HIPK3: variants seen among roughly 807,000 people sequenced by gnomAD.
HIPK3 encodes the protein homeodomain-interacting protein kinase 3.
Under a neutral mutation model 124.2 loss-of-function variants are expected in HIPK3, and 47 were observed. That is an observed-to-expected ratio of 0.38 (90% CI 0.30 to 0.48). The LOEUF (loss-of-function observed/expected upper bound fraction) is 0.48, where lower values mean the gene tolerates loss of function less well. HIPK3 is among the 20% of genes least tolerant of loss of function. The probability of loss-of-function intolerance (pLI) is 0.98; values close to 1 mark genes in which losing one functional copy is unlikely to be tolerated. For synonymous variants in HIPK3, 482 were observed against 515.2 expected, an observed-to-expected ratio of 0.94 and a Z score of 0.87; for missense variants, 1,286 against 1,454.3, an observed-to-expected ratio of 0.88 and a Z score of 1.88.
chr11:33,306,859 G>A (rs1035338337), intron 2 of HIPK3, among the ~76,000 whole-genome samples: 1 of 151,892 alleles, frequency 6.6e-6, no homozygotes, highest in Admixed American at 6.6e-5. Context: ...CCTGCTTTTG[G>A]TATTATGTGC....
intron 2 of HIPK3, among the ~76,000 whole-genome samples, chr11:33,313,329 C>T (rs1852402888): frequency 6.6e-6 from 1 of 152,078 alleles, no homozygotes; most frequent in Admixed American, 6.5e-5. Context: ...ATTGTTGTGA[C>T]ATTATTGGGA....
At chr11:33,336,304 G>A (rs1209475831) in intron 3 of HIPK3, among the ~76,000 whole-genome samples, 4 of 152,122 alleles carry the variant, frequency 2.6e-5, no homozygotes, top group Non-Finnish European at 5.9e-5. Flanking sequence ...TATCACCCTT[G>A]GGAGAGCCCA....
At chr11:33,344,030 T>C (rs1386308872) in intron 8 of HIPK3, among the ~76,000 whole-genome samples, 1 of 152,184 alleles carries the variant, frequency 6.6e-6, no homozygotes, top group Non-Finnish European at 1.5e-5. Flanking sequence ...AAGTGTTTAT[T>C]ATAGGAATTT....
At chr11:33,348,447 T>C in intron 12 of HIPK3, 75 bp from the exon 13 acceptor site, 1 of 1,287,974 alleles carries the variant, frequency 7.8e-7, no homozygotes, top group Non-Finnish European at 1.1e-6. Context: ...CATTTTCTGG[T>C]TTAACAAGAT....
At chr11:33,263,602 C>T (rs1049885947) in intron 1 of HIPK3, among the ~76,000 whole-genome samples, 2 of 152,152 alleles carry the variant, frequency 1.3e-5, no homozygotes, top group Admixed American at 6.5e-5. Flanking sequence ...AGTAAGCCAC[C>T]GCGCCTGGCT....
chr11:33,257,228 G>A (rs1850687154), upstream of HIPK3: 1 of 984,154 alleles, frequency 1.0e-6, no homozygotes, highest in African/African-American at 1.7e-5. Context: ...CTGGCGGGCG[G>A]ACCCCGGGGA....
Position 33,337,464 on chromosome 11 carries a change from G to A in HIPK3, c.1341+270G>A, listed in dbSNP as rs533736460. On this transcript the variant is annotated intron_variant, in intron 4 of 16. Coordinates refer to ENST00000303296, the MANE Select transcript of HIPK3 (RefSeq NM_005734.5). ...TCCGCCTCCTGGGTTCAACCAATTC[G>A]CCTGCCTCAGCCTCCCAAGTAGCTG... Among the ~76,000 whole-genome samples, 25 of 143,620 alleles carry A rather than the reference G, an allele frequency of 1.7e-4. No individual in the cohort carries two copies. The South Asian group carries it at 5.5e-3, about 31-fold the overall frequency. 94.2% of individuals were successfully genotyped at this position (143,620 alleles called of 152,430 possible). A position where few individuals can be genotyped will look rare whatever the true frequency, so the allele number is the denominator to read the frequency against.
intron 3 of HIPK3, among the ~76,000 whole-genome samples, chr11:33,330,960 T>G (rs1027112968): frequency 1.3e-5 from 2 of 152,100 alleles, no homozygotes; most frequent in Admixed American, 1.3e-4. Context: ...CTCGGCTCAC[T>G]GCAACCTCCG....
chr11:33,266,390 C>G (rs929516181), intron 1 of HIPK3, among the ~76,000 whole-genome samples: 7 of 152,008 alleles, frequency 4.6e-5, no homozygotes, highest in African/African-American at 1.7e-4. Context: ...CACTGCTGTT[C>G]TTGCAGTGGG....
intron 1 of HIPK3, among the ~76,000 whole-genome samples, chr11:33,264,608 T>C (rs1590335553): frequency 2.0e-5 from 3 of 152,356 alleles, no homozygotes. Flanking sequence ...TTAAGGATGC[T>C]AGAAAATAAA....
intron 1 of HIPK3, among the ~76,000 whole-genome samples, chr11:33,276,811 T>A (rs1851285353): frequency 6.6e-6 from 1 of 152,110 alleles, no homozygotes; most frequent in African/African-American, 2.4e-5. Context: ...ATTCAAGTGA[T>A]TCCCATGCCT....
intron 1 of HIPK3, among the ~76,000 whole-genome samples, chr11:33,264,229 A>G (rs1850898579): frequency 6.6e-6 from 1 of 152,146 alleles, no homozygotes; most frequent in African/African-American, 2.4e-5. Flanking sequence ...AGGAAAATGT[A>G]GTATTTGCTC....
At chr11:33,276,080 A>G (rs1851261744) in intron 1 of HIPK3, among the ~76,000 whole-genome samples, 1 of 152,256 alleles carries the variant, frequency 6.6e-6, no homozygotes, top group African/African-American at 2.4e-5. Context: ...AGCTGCAAGA[A>G]TAATACAAAG....
rs533729291 is a variant in HIPK3, at chr11:33,268,317, G to A, written c.-3+10428G>A. 3.9e-5 allele frequency among the ~76,000 whole-genome samples: 6 copies of A among 152,012 alleles called. No individual in the cohort carries two copies. The South Asian group carries it at 1.0e-3, about 26-fold the overall frequency. The stretch of plus-strand genomic sequence containing the variant: ...TGTATTTAAAATTGAATTCTGGGCC[G>A]GGTGTAGTGGCTCAAGCCTGTAATC... On this transcript the variant is annotated intron_variant, in intron 1 of 16. Transcript: ENST00000303296.
At chr11:33,352,294 C>A in intron 16 of HIPK3, 29 bp downstream of exon 16, 1 of 1,606,120 alleles carries the variant, frequency 6.2e-7, no homozygotes, top group Non-Finnish European at 8.5e-7. Context: ...ATGTAGGAGT[C>A]TGTGGGATTC....
At chr11:33,332,350 C>T (rs796129343) in intron 3 of HIPK3, among the ~76,000 whole-genome samples, 24 of 152,228 alleles carry the variant, frequency 1.6e-4, no homozygotes, top group African/African-American at 5.5e-4. Flanking sequence ...TGTTACAGTG[C>T]GTGAATCCCT....
rs1442546776 is a variant in HIPK3 at position 33,348,591 on chromosome 11, A to G, written c.2439A>G (p.Lys813=). Residue 813 remains lysine, a synonymous_variant, in exon 13 of 17, where the codon AAA becomes AAG. Transcript: ENST00000303296. ...AFISPKIING[K]DVEEVSCIET... Reference sequence around the variant, plus strand: ...TTTCTCCAAAGATAATTAATGGGAAAGATGTCGAGGAAGTAAGTTGTATAG... The same window carrying G: ...TTTCTCCAAAGATAATTAATGGGAAGGATGTCGAGGAAGTAAGTTGTATAG... The G allele has an allele frequency of 1.9e-6, 3 of 1,613,752 alleles. No individual in the cohort carries two copies. The highest frequency in any genetic ancestry group is 1.7e-5 in the Admixed American group (1 of 60,014).
chr11:33,321,852 A>G (rs970860631), intron 2 of HIPK3, among the ~76,000 whole-genome samples: 2 of 152,162 alleles, frequency 1.3e-5, no homozygotes, highest in African/African-American at 4.8e-5. Flanking sequence ...ATTACTCGCT[A>G]TTAGGGGGAG....
rs558609879 is a variant in HIPK3, at chr11:33,338,162, A to G, written c.1342-595A>G. 3.3e-5 allele frequency among the ~76,000 whole-genome samples: 5 copies of G among 152,360 alleles called. No homozygotes were observed. The South Asian group carries it at 1.0e-3, about 32-fold the overall frequency. On this transcript the variant is annotated intron_variant, in intron 4 of 16. Transcript: ENST00000303296. Reference sequence around the variant, plus strand: ...CAGGGAATGAATCTAACCACTTACTACATATCCCAAGTGTGCTAGGATCTT... The same window carrying G: ...CAGGGAATGAATCTAACCACTTACTGCATATCCCAAGTGTGCTAGGATCTT...
Sources: allele counts gnomAD v4.1 joint callset (sites outside exome capture counted in the v4.1 genomes callset), GRCh38; gene constraint gnomAD v4.1.1; transcripts MANE v1.5; gene names NCBI Gene and HGNC (gene_info 2026-07-23, HGNC 2026-07-21).